TFDP1: variants seen among roughly 807,000 people sequenced by gnomAD.
TFDP1 encodes DRTF1-polypeptide 1.
Under a neutral mutation model 48.0 loss-of-function variants are expected in TFDP1, and 6 were observed. That is an observed-to-expected ratio of 0.13 (90% CI 0.07 to 0.25). The LOEUF (loss-of-function observed/expected upper bound fraction) is 0.25. TFDP1 is among the 10% of genes least tolerant of loss of function. The pLI, the probability that TFDP1 is intolerant of heterozygous loss-of-function variation, is 1.00. For synonymous variants in TFDP1, 201 were observed against 211.6 expected, an observed-to-expected ratio of 0.95 and a Z score of 0.44; for missense variants, 335 against 543.0, an observed-to-expected ratio of 0.62 and a Z score of 3.81.
In TFDP1 at chr13:113,598,787, C is replaced by A. The variant is rs1009351823; in HGVS notation, c.13-12209C>A. On this transcript the variant is annotated intron_variant, in intron 2 of 11. Coordinates refer to ENST00000375370, the MANE Select transcript of TFDP1 (RefSeq NM_007111.5). This position sits in a 1 kb window ranked among gnomAD's most constrained non-coding sequence, Gnocchi z 4.2. ...GGTTCTGTGGCCGCCGTCCCTCTGT[C>A]CGCTCGGGGTAGCCAGCTTCCTCTG... is the stretch of plus-strand genomic sequence containing the variant. Among the ~76,000 whole-genome samples, 1 of 152,218 alleles carries A rather than the reference C, an allele frequency of 6.6e-6. No homozygotes were observed. The highest frequency in any genetic ancestry group is 1.5e-5 in the Non-Finnish European group (1 of 68,038).
At chr13:113,617,538 G>A (rs1364080754) in intron 3 of TFDP1, among the ~76,000 whole-genome samples, 2 of 151,156 alleles carry the variant, frequency 1.3e-5, no homozygotes, top group East Asian at 3.9e-4. Flanking sequence ...CCATTCACCT[G>A]CAGAGCCGCT....
chr13:113,622,243 C>CCCAT, intron 3 of TFDP1, among the ~76,000 whole-genome samples: 1 of 152,316 alleles, frequency 6.6e-6, no homozygotes, highest in Non-Finnish European at 1.5e-5. Flanking sequence ...GTCCCCCGGG[C>CCCAT]CCAGCTGCCT....
chr13:113,613,662 TATGAGTGTGTGTGTGC>T (rs990627631), intron 3 of TFDP1, among the ~76,000 whole-genome samples: 22 of 148,994 alleles, frequency 1.5e-4, no homozygotes, highest in African/African-American at 2.3e-4. Flanking sequence ...AATGCGTGGG[TATGAGTGTGTGTGTGC>T]ATGAGTGTGT....
At chr13:113,603,313 G>A (rs971603967) in intron 2 of TFDP1, among the ~76,000 whole-genome samples, 1 of 152,220 alleles carries the variant, frequency 6.6e-6, no homozygotes, top group African/African-American at 2.4e-5. Context: ...CAGGGGAGGA[G>A]CCCCCTGGAC....
chr13:113,620,014 C>T (rs1380727061), intron 3 of TFDP1, among the ~76,000 whole-genome samples: 2 of 152,188 alleles, frequency 1.3e-5, no homozygotes, highest in Admixed American at 1.3e-4. Context: ...AGGAGGGACC[C>T]TCTTCCCTCT....
intron 2 of TFDP1, 111 bp from the exon 3 acceptor site, chr13:113,610,885 C>G: frequency 1.0e-6 from 1 of 989,144 alleles, no homozygotes. Context: ...TGTGGTCCTT[C>G]TGCCTTTTTA....
chr13:113,626,511 C>T (rs925246081), intron 4 of TFDP1, among the ~76,000 whole-genome samples: 9 of 151,916 alleles, frequency 5.9e-5, no homozygotes, highest in South Asian at 2.1e-4. Context: ...CACTTCCCTG[C>T]GCCCCGCTTC....
chr13:113,590,412 G>A (rs1287792374), intron 2 of TFDP1, among the ~76,000 whole-genome samples: 1 of 152,176 alleles, frequency 6.6e-6, no homozygotes, highest in African/African-American at 2.4e-5. Flanking sequence ...TTACAGACCT[G>A]GATGGTGAAG....
At chr13:113,630,226 C>T (rs979243420) in intron 4 of TFDP1, among the ~76,000 whole-genome samples, 4 of 152,156 alleles carry the variant, frequency 2.6e-5, no homozygotes, top group African/African-American at 9.7e-5. Context: ...TATCCACGCC[C>T]AGGAGATTTA....
chr13:113,615,749 T>C (rs562027460), intron 3 of TFDP1, among the ~76,000 whole-genome samples: 1 of 152,002 alleles, frequency 6.6e-6, no homozygotes, highest in Non-Finnish European at 1.5e-5. Context: ...ATAAAAAATT[T>C]TAAAAAAAAG....
rs148175670 is a variant in TFDP1 at position 113,636,017 on chromosome 13, C to T, written c.728C>T (p.Ala243Val). The T allele has an allele frequency of 8.7e-6, 14 of 1,614,024 alleles. No homozygotes were observed. The highest frequency in any genetic ancestry group is 5.0e-5 in the Admixed American group (3 of 59,986). The stretch of plus-strand genomic sequence containing the variant: ...AACCTGGTGCAGAGAAACCGGCATG[C>T]GGAGCAGCAGGCCAGCCGGCCACCG... ...FKNLVQRNRHAEQQASRPPPP... is the reference protein window; with the variant it reads ...FKNLVQRNRHVEQQASRPPPP... Residue 243 changes from alanine (A) to valine (V), a missense_variant, in exon 9 of 12, where the codon GCG (alanine) becomes GTG (valine). Transcript: ENST00000375370.
At chr13:113,591,745 A>T (rs979448475) in intron 2 of TFDP1, among the ~76,000 whole-genome samples, 1 of 152,182 alleles carries the variant, frequency 6.6e-6, no homozygotes. Flanking sequence ...TTGCTTAGAG[A>T]GGAGGACTGG....
intron 10 of TFDP1, 115 bp from the exon 11 acceptor site, chr13:113,637,703 C>T (rs763926276): frequency 7.0e-6 from 11 of 1,580,524 alleles, no homozygotes; most frequent in Admixed American, 3.6e-5. Context: ...GAAGGATATC[C>T]GGAAGCTTCT....
In TFDP1 at chr13:113,633,943, A is replaced by G. The variant is rs200930289; in HGVS notation, c.528A>G (p.Leu176=). ...RRRVYDALNV[L]MAMNIISKEK... The stretch of plus-strand genomic sequence containing the variant: ...GCGTCTACGATGCCTTAAACGTGCT[A>G]ATGGCCATGAACATCATCTCCAAGG... The change falls in exon 7 of 12, where the codon CTA becomes CTG. Residue 176 remains leucine (L), a synonymous_variant. Transcript: ENST00000375370. The surrounding 1 kb of genome is among the most constrained non-coding windows in gnomAD (Gnocchi z 4.5). 10 of 1,613,390 alleles carry G rather than the reference A, an allele frequency of 6.2e-6. No homozygotes were observed. The highest frequency in any genetic ancestry group is 1.3e-5 in the African/African-American group (1 of 74,868).
chr13:113,638,989 T>A (rs1366890017), intron 11 of TFDP1, among the ~76,000 whole-genome samples: 1 of 152,150 alleles, frequency 6.6e-6, no homozygotes, highest in Non-Finnish European at 1.5e-5. Flanking sequence ...ATGTAACAGG[T>A]GTGTCGGGCA....
At chr13:113,611,883 G>A (rs2048716795) in intron 3 of TFDP1, among the ~76,000 whole-genome samples, 1 of 152,226 alleles carries the variant, frequency 6.6e-6, no homozygotes, top group Non-Finnish European at 1.5e-5. Flanking sequence ...TGCCTGCAGA[G>A]CCTAGTGGGT....
chr13:113,639,745 T>C (rs1298628553), intron 11 of TFDP1, among the ~76,000 whole-genome samples: 1 of 152,226 alleles, frequency 6.6e-6, no homozygotes, highest in African/African-American at 2.4e-5. Context: ...CCGGGCTCTC[T>C]TTTTTCCTGT....
intron 3 of TFDP1, among the ~76,000 whole-genome samples, chr13:113,617,917 T>C (rs1305705310): frequency 6.6e-6 from 1 of 152,256 alleles, no homozygotes; most frequent in Non-Finnish European, 1.5e-5. Context: ...TTTAGACTCC[T>C]TTTTCTGTTA....
chr13:113,638,316 G>A (rs1277839160), intron 11 of TFDP1, among the ~76,000 whole-genome samples: 2 of 149,166 alleles, frequency 1.3e-5, no homozygotes, highest in Non-Finnish European at 3.0e-5. Flanking sequence ...ACGTGTCTGC[G>A]ATCACAGCAC....
Sources: allele counts gnomAD v4.1 joint callset (sites outside exome capture counted in the v4.1 genomes callset), GRCh38; gene constraint gnomAD v4.1.1; non-coding constraint Gnocchi (gnomAD v3.1); transcripts MANE v1.5; gene names NCBI Gene and HGNC (gene_info 2026-07-23, HGNC 2026-07-21).